AUTS2: variants seen among roughly 807,000 people sequenced by gnomAD.
AUTS2 encodes autism susceptibility gene 2 protein.
In AUTS2, 17 loss-of-function variants were observed where a neutral mutation model predicts 112.4. The ratio of observed to expected loss-of-function variants is 0.15; its 90% CI spans 0.10 to 0.23. The LOEUF is 0.23. AUTS2 is among the 10% of genes least tolerant of loss of function. The probability of loss-of-function intolerance (pLI) is 1.00; values close to 1 mark genes in which losing one functional copy is unlikely to be tolerated. For missense variants in AUTS2, 1,510 were observed against 1,701.6 expected, an observed-to-expected ratio of 0.89 and a Z score of 1.98; for synonymous variants, 751 against 702.7, an observed-to-expected ratio of 1.07 and a Z score of -1.09.
intron 5 of AUTS2, among the ~76,000 whole-genome samples, chr7:70,565,317 G>A (rs999596695): frequency 1.8e-4 from 27 of 152,144 alleles, no homozygotes; most frequent in African/African-American, 6.3e-4. Context: ...GCTGAGTGCT[G>A]GTAGGTAGCA....
At chr7:70,426,959 A>G (rs531830691) in intron 4 of AUTS2, among the ~76,000 whole-genome samples, 1 of 149,998 alleles carries the variant, frequency 6.7e-6, no homozygotes, top group East Asian at 1.9e-4. Context: ...GACTCCAAAA[A>G]GAACCCAGCA....
intron 2 of AUTS2, among the ~76,000 whole-genome samples, chr7:70,046,500 C>A (rs1801511187): frequency 2.6e-5 from 4 of 152,094 alleles, no homozygotes; most frequent in Admixed American, 6.6e-5. Context: ...ATTATTCGAA[C>A]CTGGACTCTA....
intron 3 of AUTS2, among the ~76,000 whole-genome samples, chr7:70,121,220 T>G (rs1337631932): frequency 6.6e-6 from 1 of 152,098 alleles, no homozygotes; most frequent in African/African-American, 2.4e-5. Context: ...ATGACCAAAA[T>G]ATAAATGTGA....
intron 5 of AUTS2, among the ~76,000 whole-genome samples, chr7:70,570,606 C>G (rs1801898303): frequency 6.6e-6 from 1 of 152,156 alleles, no homozygotes; most frequent in African/African-American, 2.4e-5. Context: ...ACTGAACGTT[C>G]CTTTAACTTC....
intron 5 of AUTS2, among the ~76,000 whole-genome samples, chr7:70,589,867 C>T (rs1802858032): frequency 6.6e-6 from 1 of 152,174 alleles, no homozygotes; most frequent in Admixed American, 6.5e-5. Context: ...CCTGACAGAG[C>T]CCCTCAGGAA....
At chr7:70,236,682 T>C (rs1812344810) in intron 4 of AUTS2, among the ~76,000 whole-genome samples, 2 of 152,230 alleles carry the variant, frequency 1.3e-5, no homozygotes, top group Admixed American at 6.5e-5. Flanking sequence ...AGCTTCTGTT[T>C]AGTTTTACAA....
intron 1 of AUTS2, among the ~76,000 whole-genome samples, chr7:69,832,568 T>C (rs1791550555): frequency 6.6e-6 from 1 of 152,318 alleles, no homozygotes; most frequent in Admixed American, 6.5e-5. Flanking sequence ...ACTAGTACTT[T>C]GGACATTTTT....
intron 1 of AUTS2, among the ~76,000 whole-genome samples, chr7:69,744,679 A>G (rs1449255455): frequency 1.3e-5 from 2 of 152,198 alleles, no homozygotes; most frequent in East Asian, 3.9e-4. Flanking sequence ...ACAAAAAAAA[A>G]AAAAAAAATT....
chr7:70,633,606 G>A (rs372329717), intron 5 of AUTS2, among the ~76,000 whole-genome samples: 2,580 of 63,936 alleles, frequency 0.04, 73 homozygotes, highest in African/African-American at 0.11. Flanking sequence ...GCAAGACTCC[G>A]TCTCAAAAAA....
chr7:70,206,667 C>A (rs980183800), intron 4 of AUTS2, among the ~76,000 whole-genome samples: 11 of 152,194 alleles, frequency 7.2e-5, no homozygotes, highest in Admixed American at 5.2e-4. Flanking sequence ...TATTGGCAGT[C>A]TTGTCTGTTC....
intron 4 of AUTS2, among the ~76,000 whole-genome samples, chr7:70,388,756 A>AT (rs1793723451): frequency 6.6e-6 from 1 of 152,222 alleles, no homozygotes; most frequent in South Asian, 2.1e-4. Context: ...TAATGACTTA[A>AT]TTAACTAACG....
At chr7:69,827,873 GC>G (rs1791323087) in intron 1 of AUTS2, among the ~76,000 whole-genome samples, 1 of 152,216 alleles carries the variant, frequency 6.6e-6, no homozygotes. Context: ...ACAGAGGAAG[GC>G]CCACAGCATG....
intron 6 of AUTS2, among the ~76,000 whole-genome samples, chr7:70,700,256 T>G (rs778458704): frequency 1.3e-5 from 2 of 152,212 alleles, no homozygotes; most frequent in Non-Finnish European, 2.9e-5. Context: ...GCCCTCCCCC[T>G]GACAGGGTGC....
At chr7:70,703,611 T>C (rs979425057) in intron 6 of AUTS2, among the ~76,000 whole-genome samples, 2 of 152,176 alleles carry the variant, frequency 1.3e-5, no homozygotes, top group Non-Finnish European at 2.9e-5. Flanking sequence ...AAAATCCCTT[T>C]ATAATGAACA....
chr7:70,370,655 G>C lies in AUTS2; in HGVS notation c.661-65097G>C, dbSNP rs1213335432. ...TGCTGTTACAAACATTCATGTGTAA[G>C]TTTTTTGTGGATATGTTTTCATTTC... is the stretch of plus-strand genomic sequence containing the variant. On this transcript the variant is annotated intron_variant, in intron 4 of 18. Transcript: ENST00000342771. Among the ~76,000 whole-genome samples the C allele has an allele frequency of 3.3e-5, 5 of 152,116 alleles. No homozygotes were observed. The East Asian group carries it at 9.6e-4, about 29-fold the overall frequency.
At chr7:70,027,073 T>G (rs1033622528) in intron 2 of AUTS2, among the ~76,000 whole-genome samples, 3 of 152,198 alleles carry the variant, frequency 2.0e-5, no homozygotes, top group African/African-American at 7.2e-5. Flanking sequence ...TTTGCCCATC[T>G]GTAGGCTAAT....
At chr7:70,245,195 A>G (rs1349494757) in intron 4 of AUTS2, among the ~76,000 whole-genome samples, 2 of 148,664 alleles carry the variant, frequency 1.3e-5, no homozygotes, top group African/African-American at 5.0e-5. Flanking sequence ...AACAAAAATT[A>G]AAAAGTAAGT....
At chr7:70,130,487 A>G (rs1014809838) in intron 3 of AUTS2, among the ~76,000 whole-genome samples, 2 of 152,186 alleles carry the variant, frequency 1.3e-5, no homozygotes, top group East Asian at 1.9e-4. Context: ...ATGAATATCT[A>G]CTTGCAGACT....
intron 1 of AUTS2, among the ~76,000 whole-genome samples, chr7:69,695,583 A>T (rs1239375925): frequency 6.6e-6 from 1 of 152,184 alleles, no homozygotes; most frequent in African/African-American, 2.4e-5. Flanking sequence ...TTAAAAACAA[A>T]ATTAATTGGG....
Sources: allele counts gnomAD v4.1 joint callset (sites outside exome capture counted in the v4.1 genomes callset), GRCh38; gene constraint gnomAD v4.1.1; transcripts MANE v1.5; gene names NCBI Gene and HGNC (gene_info 2026-07-23, HGNC 2026-07-21).